Variants in ARSG observed in about 807,000 individuals in gnomAD.
ARSG encodes the protein ASG.
Under a neutral mutation model 50.5 loss-of-function variants are expected in ARSG, and 37 were observed. The ratio of observed to expected loss-of-function variants is 0.73; its 90% CI spans 0.56 to 0.96. The LOEUF (loss-of-function observed/expected upper bound fraction) is 0.96, where lower values mean the gene tolerates loss of function less well. ARSG is among the 50% of genes least tolerant of loss of function. The probability of loss-of-function intolerance (pLI) is 0.00; values close to 1 mark genes in which losing one functional copy is unlikely to be tolerated. For synonymous variants in ARSG, 225 were observed against 254.6 expected (o/e 0.88, Z 1.11); for missense variants, 629 against 675.3 (o/e 0.93, Z 0.76).
chr17:68,427,003 T>G (rs2083238101), downstream of ARSG: 2 of 715,100 alleles, frequency 2.8e-6, no homozygotes, highest in Non-Finnish European at 4.7e-6. Context: ...CAGGTAACAG[T>G]GAAGGGGGAA....
At chr17:68,347,454 C>T (rs922001666) in intron 4 of ARSG, among the ~76,000 whole-genome samples, 3 of 152,184 alleles carry the variant, frequency 2.0e-5, no homozygotes, top group African/African-American at 7.2e-5. Flanking sequence ...CGGTTCTTTA[C>T]ACCTCAGGGA....
chr17:68,370,069 C>T (rs1312113891), intron 7 of ARSG, among the ~76,000 whole-genome samples: 1 of 152,008 alleles, frequency 6.6e-6, no homozygotes, highest in Non-Finnish European at 1.5e-5. Flanking sequence ...GGCTGGAGTG[C>T]AGTGGCAGGA....
At chr17:68,376,856 A>G (rs1568545929) in intron 8 of ARSG, among the ~76,000 whole-genome samples, 1 of 141,090 alleles carries the variant, frequency 7.1e-6, no homozygotes, top group Non-Finnish European at 1.5e-5. Flanking sequence ...AAAAGACCTC[A>G]GTCATCTTTT....
intron 4 of ARSG, among the ~76,000 whole-genome samples, chr17:68,350,375 A>G (rs983159281): frequency 3.3e-5 from 5 of 152,238 alleles, no homozygotes; most frequent in African/African-American, 7.2e-5. Flanking sequence ...TTCGAGTTCT[A>G]TCTACCTCTA....
intron 11 of ARSG, among the ~76,000 whole-genome samples, chr17:68,408,024 T>G (rs1170869053): frequency 4.0e-5 from 6 of 151,738 alleles, no homozygotes; most frequent in Non-Finnish European, 8.8e-5. Context: ...TTTTTTTTTT[T>G]TATTGGTGCA....
intron 8 of ARSG, among the ~76,000 whole-genome samples, 170 bp downstream of exon 8, chr17:68,370,694 AAGT>A (rs1204742108): frequency 8.5e-5 from 13 of 152,122 alleles, no homozygotes; most frequent in African/African-American, 2.7e-4. Context: ...AAGAAGGAAC[AAGT>A]AGTGGTGGAG....
In ARSG at chr17:68,271,184, G is replaced by C; in HGVS notation, c.-552+11758G>C. On this transcript the variant is annotated intron_variant, in intron 1 of 11. Transcript: ENST00000448504. The surrounding 1 kb of genome is among the most constrained non-coding windows in gnomAD (Gnocchi z 5.3). ...GATAATAAAAAAGCAGCGCGGTCCT[G>C]GTCAATGCCCAGACTAATGCCCAGA... The C allele has an allele frequency of 6.2e-6, 10 of 1,614,012 alleles. No individual in the cohort carries two copies. Among genetic ancestry groups the C allele is most frequent in the Non-Finnish European group, 8.5e-6 (10 of 1,180,044 alleles).
chr17:68,386,474 T>C (rs925986120), intron 9 of ARSG, among the ~76,000 whole-genome samples: 1 of 152,024 alleles, frequency 6.6e-6, no homozygotes, highest in African/African-American at 2.4e-5. Flanking sequence ...TAAACAGCTT[T>C]CAGGGCCAAA....
intron 1 of ARSG, among the ~76,000 whole-genome samples, chr17:68,299,466 A>G (rs1045546471): frequency 8.5e-5 from 13 of 152,072 alleles, no homozygotes; most frequent in African/African-American, 3.1e-4. Context: ...GGGGAAAGAT[A>G]TGATGCATAA....
At chr17:68,387,203 A>G (rs1363455854) in intron 9 of ARSG, among the ~76,000 whole-genome samples, 2 of 151,884 alleles carry the variant, frequency 1.3e-5, no homozygotes, top group Non-Finnish European at 2.9e-5. Context: ...ATCATAGCTC[A>G]CTGCAGCCTT....
chr17:68,302,572 T>C (rs2076459566), intron 1 of ARSG, among the ~76,000 whole-genome samples: 1 of 152,176 alleles, frequency 6.6e-6, no homozygotes, highest in South Asian at 2.1e-4. Context: ...TTCTCAGTGC[T>C]TCTGGCCCAC....
chr17:68,336,210 C>G (rs769470748), intron 2 of ARSG, among the ~76,000 whole-genome samples: 22 of 150,162 alleles, frequency 1.5e-4, no homozygotes, highest in Admixed American at 4.7e-4. Flanking sequence ...TCTTTCTTTT[C>G]TTTTCTTTCT....
At chr17:68,357,616 G>A (rs2079091059) in intron 6 of ARSG, among the ~76,000 whole-genome samples, 1 of 152,158 alleles carries the variant, frequency 6.6e-6, no homozygotes, top group African/African-American at 2.4e-5. Context: ...ATCTTTGGGA[G>A]CTATCCTTCA....
chr17:68,450,944 A>G, the ARSG span: 34 of 1,576,304 alleles, frequency 2.2e-5, 2 homozygotes, highest in Admixed American at 5.8e-4. Context: ...ATCACTTCCA[A>G]GAAGGATTCC....
chr17:68,441,142 C>G, the ARSG span: 6 of 152,206 alleles, frequency 3.9e-5, no homozygotes, highest in African/African-American at 1.4e-4. Flanking sequence ...GCAGGACTTT[C>G]ATGGAGATTT....
rs2081392297 is a variant in ARSG, at chr17:68,399,717, C to A, written c.1213-1643C>A. Among the ~76,000 whole-genome samples, 1 of 152,184 alleles carries A rather than the reference C, an allele frequency of 6.6e-6. No homozygotes were observed. The highest frequency in any genetic ancestry group is 1.5e-5 in the Non-Finnish European group (1 of 68,034). On this transcript the variant is annotated intron_variant, in intron 10 of 11. Coordinates refer to ENST00000621439, the MANE Select transcript of ARSG (RefSeq NM_001267727.2). The surrounding 1 kb of genome is among the most constrained non-coding windows in gnomAD (Gnocchi z 4.6). ...CACATAAATAGTGGGAATATAGCAGCCCACCCTCATGGAATTTCTGTGACT... is the reference window on the plus strand; with the variant it reads ...CACATAAATAGTGGGAATATAGCAGACCACCCTCATGGAATTTCTGTGACT...
intron 2 of ARSG, among the ~76,000 whole-genome samples, 168 bp downstream of exon 2, chr17:68,307,879 C>T (rs1181015531): frequency 2.6e-5 from 4 of 152,126 alleles, no homozygotes; most frequent in Admixed American, 2.6e-4. Flanking sequence ...TGAAGAAATC[C>T]AGCCATCTAG....
chr17:68,336,543 T>C (rs2078029485), intron 2 of ARSG, among the ~76,000 whole-genome samples: 1 of 152,014 alleles, frequency 6.6e-6, no homozygotes, highest in Admixed American at 6.5e-5. Context: ...ATTAGTGTGA[T>C]CAAATTCGCA....
At chr17:68,386,561 A>G (rs899631272) in intron 9 of ARSG, among the ~76,000 whole-genome samples, 6 of 152,078 alleles carry the variant, frequency 3.9e-5, no homozygotes, top group African/African-American at 7.2e-5. Flanking sequence ...TACAGTCAGG[A>G]GGGGGCAGCG....
Sources: gnomAD v4.1 joint callset for allele counts (sites outside exome capture counted in the v4.1 genomes callset) on GRCh38, gnomAD v4.1.1 for gene constraint, Gnocchi (gnomAD v3.1) non-coding constraint, MANE v1.5 for transcripts, NCBI Gene and HGNC (gene_info 2026-07-23, HGNC 2026-07-21) for gene names.